The following MEIS3 variants were observed in gnomAD, a reference collection of about 807,000 sequenced individuals.
MEIS3 encodes homeobox protein Meis3.
In MEIS3, 38 loss-of-function variants were observed where a neutral mutation model predicts 51.4. The observed-to-expected ratio is 0.74, with a 90% CI of 0.57 to 0.97. The LOEUF is 0.97. Among genes scored for constraint, MEIS3 ranks in the 50% least tolerant of loss-of-function variants. The probability of loss-of-function intolerance (pLI) is 0.00; values close to 1 mark genes in which losing one functional copy is unlikely to be tolerated. For synonymous variants in MEIS3, 198 were observed against 201.8 expected (o/e 0.98, Z 0.16); for missense variants, 456 against 502.6 (o/e 0.91, Z 0.89).
chr19:47,413,835 C>A (rs1971257287), intron 6 of MEIS3, among the ~76,000 whole-genome samples: 1 of 151,434 alleles, frequency 6.6e-6, no homozygotes, highest in Admixed American at 6.6e-5. Flanking sequence ...TCATGCCATT[C>A]TCCTGCCTCA....
In MEIS3 at chr19:47,407,224, C is replaced by A. The variant is rs2122477322; in HGVS notation, c.936-87G>T. ...GAACACAGAGCGGGCCGGAGGACAGCGGCGGGGGAGGCAGAGCGGGGCGAG... is the reference window on the plus strand; with the variant it reads ...GAACACAGAGCGGGCCGGAGGACAGAGGCGGGGGAGGCAGAGCGGGGCGAG... On this transcript the variant is annotated intron_variant, in intron 9 of 12. Coordinates refer to ENST00000558555, the MANE Select transcript of MEIS3 (RefSeq NM_001301059.2). 1.9e-5 allele frequency: 29 copies of A among 1,498,564 alleles called. No homozygotes were observed. The South Asian group carries it at 3.3e-4, about 17-fold the overall frequency. 92.8% of individuals were successfully genotyped at this position (1,498,564 alleles called of 1,614,324 possible).
chr19:47,412,018 C>T (rs542359382), intron 6 of MEIS3, among the ~76,000 whole-genome samples: 1 of 151,530 alleles, frequency 6.6e-6, no homozygotes, highest in East Asian at 2.0e-4. Context: ...TATTTTTTGT[C>T]GAGATGGGAT....
In MEIS3 at chr19:47,410,537, C is replaced by T. The variant is rs1034591040; in HGVS notation, c.598-990G>A. ...ATCCCATCACTGTGGGAGGCCCAGG[C>T]GGGTAGATCACAAGGTCAGGAGATC... On this transcript the variant is annotated intron_variant, in intron 6 of 12. Transcript: ENST00000558555. Among the ~76,000 whole-genome samples the T allele has an allele frequency of 5.3e-5, 8 of 151,422 alleles. No homozygotes were observed. In the South Asian group the frequency reaches 6.2e-4, roughly 12 times the overall value.
In MEIS3 at chr19:47,409,144, C is replaced by G. The variant is rs776352220; in HGVS notation, c.813G>C (p.Lys271Asn). The G allele has an allele frequency of 6.2e-7, 1 of 1,612,078 alleles. No individual in the cohort carries two copies. ...RRNKKRGIFPKVATNIMRAWL... is the reference protein window; with the variant it reads ...RRNKKRGIFPNVATNIMRAWL... ...AGGCTCGCATGATGTTGGTGGCCACCTTGGGGAAGATCCCCCTCTTCTTGT... is the reference window on the plus strand; with the variant it reads ...AGGCTCGCATGATGTTGGTGGCCACGTTGGGGAAGATCCCCCTCTTCTTGT... The change falls in exon 8 of 13, where the codon AAG becomes AAC. Residue 271 changes from lysine (K) to asparagine (N), a missense_variant. Transcript: ENST00000558555.
chr19:47,417,833 C>T (rs773245899), intron 1 of MEIS3: 31 of 610,646 alleles, frequency 5.1e-5, no homozygotes, highest in African/African-American at 9.2e-5. Context: ...ACACTCCACT[C>T]GCCACGTGAA....
chr19:47,417,575 A>C (rs1225657464), intron 1 of MEIS3: 3 of 706,814 alleles, frequency 4.2e-6, no homozygotes, highest in Non-Finnish European at 7.7e-6. Context: ...GATTCCTGAC[A>C]TGTGGGCAGG....
intron 8 of MEIS3, 68 bp downstream of exon 8, chr19:47,409,031 C>G: frequency 1.3e-6 from 2 of 1,548,892 alleles, no homozygotes; most frequent in Admixed American, 3.8e-5. Flanking sequence ...TCTGGGGTTT[C>G]GGTCTCTGTG....
At chr19:47,420,811 G>A (rs547395388), upstream of MEIS3, among the ~76,000 whole-genome samples, 2 of 151,472 alleles carry the variant, frequency 1.3e-5, no homozygotes, top group African/African-American at 4.9e-5. Context: ...GGAGCAGGGG[G>A]GAGGCTCCGG....
chr19:47,407,337 T>G lies in MEIS3; in HGVS notation c.935+15A>C. ...TCGCCCCGGGCCGGCCCGCGGGCCC[T>G]CCTGGGCCACTCACCAGTTGTTGAC... On this transcript the variant is annotated intron_variant, in intron 9 of 12. Coordinates refer to ENST00000558555, the MANE Select transcript of MEIS3 (RefSeq NM_001301059.2). 1.9e-6 allele frequency: 3 copies of G among 1,611,532 alleles called. No homozygotes were observed. Among genetic ancestry groups the G allele is most frequent in the Non-Finnish European group, 2.5e-6 (3 of 1,179,194 alleles).
At chr19:47,409,579 G>A in intron 6 of MEIS3, 32 bp from the exon 7 acceptor site, 1 of 1,543,798 alleles carries the variant, frequency 6.5e-7, no homozygotes, top group South Asian at 1.1e-5. Flanking sequence ...TTAGTGCCAA[G>A]GCGGCCGGGC....
chr19:47,406,627 C>T (rs1970831997), intron 11 of MEIS3, 101 bp from the exon 12 acceptor site: 1 of 1,173,744 alleles, frequency 8.5e-7, no homozygotes, highest in Non-Finnish European at 1.3e-6. Context: ...GATCCCTCTA[C>T]CAGGATAGAC....
chr19:47,420,477 C>CTAACTGGAGTGGGGAGGGAGG, upstream of MEIS3, among the ~76,000 whole-genome samples: 1 of 147,978 alleles, frequency 6.8e-6, no homozygotes, highest in African/African-American at 2.6e-5. Context: ...GGGATGGGGC[C>CTAACTGGAGTGGGGAGGGAGG]TAACTGGAGT....
In MEIS3 at chr19:47,406,922, G is replaced by A. The variant is rs147653888; in HGVS notation, c.1044C>T (p.Thr348=). The change falls in exon 11 of 13, where the codon ACC becomes ACT. Residue 348 remains threonine (T), a synonymous_variant. Transcript: ENST00000558555. ...SPEGQPIGGY[T]ETQPHVAVRP... The stretch of plus-strand genomic sequence containing the variant: ...GGACGGCCACGTGTGGCTGCGTCTC[G>A]GTATAGCCCCCGATGGGCTGGCCCT... 34 of 1,579,306 alleles carry A rather than the reference G, an allele frequency of 2.2e-5. No homozygotes were observed. The African/African-American group carries it at 3.6e-4, about 17-fold the overall frequency.
chr19:47,410,761 G>A (rs183178399), intron 6 of MEIS3, among the ~76,000 whole-genome samples: 7 of 152,124 alleles, frequency 4.6e-5, no homozygotes, highest in East Asian at 1.9e-4. Flanking sequence ...GTGAGACTCC[G>A]TCTCAAAAAA....
At chr19:47,406,403 C>T (rs1240348086) in intron 12 of MEIS3, 57 bp downstream of exon 12, 58 of 1,494,456 alleles carry the variant, frequency 3.9e-5, no homozygotes, top group Non-Finnish European at 5.2e-5. Flanking sequence ...TCTTGGAGTC[C>T]TGAGGTCTAA....
At chr19:47,418,093 C>G (rs150097180) in intron 1 of MEIS3, 62 of 210,894 alleles carry the variant, frequency 2.9e-4, no homozygotes, top group Admixed American at 1.1e-3. Context: ...CACCACCATA[C>G]AGACACGATT....
intron 12 of MEIS3, 155 bp downstream of exon 12, chr19:47,406,305 G>A (rs1415181091): frequency 8.9e-6 from 5 of 563,180 alleles, no homozygotes; most frequent in Admixed American, 3.2e-5. Context: ...ATGGACGGAC[G>A]GACAGATGGA....
chr19:47,410,593 C>T (rs977430823), intron 6 of MEIS3, among the ~76,000 whole-genome samples: 3 of 150,254 alleles, frequency 2.0e-5, no homozygotes, highest in African/African-American at 4.9e-5. Context: ...GGTGAAACCC[C>T]GTCTCTACTA....
upstream of MEIS3, among the ~76,000 whole-genome samples, chr19:47,420,908 TCTCACACACACACACACA>T (rs1460341135): frequency 2.1e-5 from 2 of 95,822 alleles, no homozygotes; most frequent in Non-Finnish European, 4.4e-5. Flanking sequence ...TCTCTCTCTC[TCTCACACACACACACACA>T]CACACACACA....
Sources: allele counts gnomAD v4.1 joint callset (sites outside exome capture counted in the v4.1 genomes callset), GRCh38; gene constraint gnomAD v4.1.1; transcripts MANE v1.5; gene names NCBI Gene and HGNC (gene_info 2026-07-23, HGNC 2026-07-21).